The following NKAIN2 variants were observed in gnomAD, a reference collection of about 807,000 sequenced individuals.
The protein encoded by NKAIN2 is sodium/potassium transporting ATPase interacting 2, also known as sodium/potassium-transporting ATPase subunit beta-1-interacting protein 2.
NKAIN2 carries 14 observed loss-of-function variants against 32.6 expected under a neutral mutation model. The observed-to-expected ratio is 0.43, with a 90% confidence interval of 0.28 to 0.67. The LOEUF is 0.67. NKAIN2 is among the 30% of genes least tolerant of loss of function. The probability of loss-of-function intolerance (pLI) is 0.17; values close to 1 mark genes in which losing one functional copy is unlikely to be tolerated. For synonymous variants in NKAIN2, 80 were observed against 87.2 expected, an observed-to-expected ratio of 0.92 and a Z score of 0.46; for missense variants, 198 against 258.3, an observed-to-expected ratio of 0.77 and a Z score of 1.60.
Position 124,360,317 on chromosome 6 carries a change from C to T in NKAIN2, c.273+4970C>T, listed in dbSNP as rs575946578. 1.7e-4 allele frequency among the ~76,000 whole-genome samples: 26 copies of T among 152,194 alleles called. No individual in the cohort carries two copies. In the South Asian group the frequency reaches 5.0e-3, roughly 29 times the overall value. On this transcript the variant is annotated intron_variant, in intron 3 of 6. Transcript: ENST00000368417. The stretch of plus-strand genomic sequence containing the variant: ...GAGTTCTGGAGGATTCCCTCTTTTT[C>T]TATTGATTAGGCTGTCTTTTCTGCT...
At chr6:124,385,226 C>G (rs1772842817) in intron 3 of NKAIN2, among the ~76,000 whole-genome samples, 1 of 152,036 alleles carries the variant, frequency 6.6e-6, no homozygotes, top group African/African-American at 2.4e-5. Flanking sequence ...CATTTAAAGG[C>G]CAATTGGAGG....
Position 124,751,944 on chromosome 6 carries a change from T to C in NKAIN2, c.475-39395T>C, listed in dbSNP as rs367912403. On this transcript the variant is annotated intron_variant, in intron 4 of 6. Coordinates refer to ENST00000368417, the MANE Select transcript of NKAIN2 (RefSeq NM_001040214.3). ...CTGCAGTGAGCTGTGGTTGCACTGC[T>C]GCACTCTAGCCTGGGTGACAGAGCA... Among the ~76,000 whole-genome samples, 13 of 152,170 alleles carry C rather than the reference T, an allele frequency of 8.5e-5. No individual in the cohort carries two copies. In the East Asian group the frequency reaches 2.5e-3, roughly 30 times the overall value.
chr6:124,143,969 TAC>T (rs892543792), intron 1 of NKAIN2, among the ~76,000 whole-genome samples: 4 of 152,194 alleles, frequency 2.6e-5, no homozygotes, highest in Admixed American at 2.6e-4. Flanking sequence ...TCACAAAGCG[TAC>T]AGTGTCTAGC....
intron 4 of NKAIN2, among the ~76,000 whole-genome samples, chr6:124,737,630 G>A (rs1484253998): frequency 6.6e-6 from 1 of 151,888 alleles, no homozygotes; most frequent in Non-Finnish European, 1.5e-5. Flanking sequence ...ATGTAAGAAA[G>A]TTTGGAACTT....
intron 1 of NKAIN2, among the ~76,000 whole-genome samples, chr6:123,848,815 A>T (rs942023336): frequency 2.0e-5 from 3 of 152,200 alleles, no homozygotes; most frequent in African/African-American, 7.2e-5. Context: ...AATATATTTC[A>T]TACCAGCATT....
intron 4 of NKAIN2, among the ~76,000 whole-genome samples, chr6:124,713,283 A>C (rs776809302): frequency 1.2e-4 from 18 of 152,174 alleles, no homozygotes; most frequent in Non-Finnish European, 2.1e-4. Flanking sequence ...CGAATCCATA[A>C]AATATTTTTC....
chr6:124,111,633 T>C (rs1273827992), intron 1 of NKAIN2, among the ~76,000 whole-genome samples: 2 of 152,064 alleles, frequency 1.3e-5, no homozygotes, highest in African/African-American at 4.8e-5. Flanking sequence ...AGTCACTCTA[T>C]GTCTTTTGAT....
At chr6:123,914,345 C>T (rs1411935694) in intron 1 of NKAIN2, among the ~76,000 whole-genome samples, 2 of 151,438 alleles carry the variant, frequency 1.3e-5, no homozygotes, top group African/African-American at 4.9e-5. Context: ...GGGAAAAAGA[C>T]ATGTCGGGAG....
intron 1 of NKAIN2, among the ~76,000 whole-genome samples, chr6:124,090,851 T>A (rs111319814): frequency 0.012 from 1,820 of 152,080 alleles, 19 homozygotes; most frequent in Non-Finnish European, 0.017. Flanking sequence ...AAATACAATA[T>A]CAATCCCATG....
chr6:124,232,320 A>G (rs970673153), intron 1 of NKAIN2, among the ~76,000 whole-genome samples: 5 of 152,190 alleles, frequency 3.3e-5, no homozygotes, highest in African/African-American at 1.2e-4. Context: ...TAGATGAACT[A>G]GAAAAGGCCA....
chr6:124,697,432 TC>T (rs1258137265), intron 4 of NKAIN2, among the ~76,000 whole-genome samples: 3 of 152,208 alleles, frequency 2.0e-5, no homozygotes, highest in African/African-American at 7.2e-5. Context: ...AAGATTTTCA[TC>T]ACAATTTGTT....
intron 3 of NKAIN2, among the ~76,000 whole-genome samples, chr6:124,488,440 C>T (rs1467677452): frequency 6.6e-6 from 1 of 151,962 alleles, no homozygotes; most frequent in East Asian, 1.9e-4. Context: ...CAAACATTAT[C>T]ATCCATGTCA....
chr6:124,528,550 A>G (rs779229986), intron 3 of NKAIN2, among the ~76,000 whole-genome samples: 9 of 152,204 alleles, frequency 5.9e-5, no homozygotes, highest in Non-Finnish European at 1.5e-5. Context: ...AATAGTTTCA[A>G]AAACTGAGAT....
intron 1 of NKAIN2, among the ~76,000 whole-genome samples, chr6:123,819,769 A>T (rs1773848712): frequency 6.6e-6 from 1 of 152,146 alleles, no homozygotes; most frequent in South Asian, 2.1e-4. Flanking sequence ...TAAAAGTAGA[A>T]ATCTGTGCCA....
intron 1 of NKAIN2, among the ~76,000 whole-genome samples, chr6:124,027,912 G>A (rs951264819): frequency 3.3e-5 from 5 of 152,168 alleles, no homozygotes; most frequent in East Asian, 1.9e-4. Context: ...TAATCAAAAT[G>A]TGTGGAGGCC....
intron 1 of NKAIN2, among the ~76,000 whole-genome samples, chr6:124,215,546 T>C (rs2114675145): frequency 6.6e-6 from 1 of 152,222 alleles, no homozygotes; most frequent in Middle Eastern, 3.4e-3. Context: ...AAAACAAAAC[T>C]AAATGTGACT....
At chr6:123,898,133 G>C (rs548641002) in intron 1 of NKAIN2, among the ~76,000 whole-genome samples, 57 of 152,182 alleles carry the variant, frequency 3.7e-4, no homozygotes, top group African/African-American at 1.2e-3. Context: ...ATGATGATTG[G>C]ATCCTGTGAG....
At chr6:124,568,489 G>GA (rs995685444) in intron 3 of NKAIN2, among the ~76,000 whole-genome samples, 56 of 152,140 alleles carry the variant, frequency 3.7e-4, no homozygotes, top group African/African-American at 1.3e-3. Flanking sequence ...ATTTATAGAT[G>GA]AAAAAACTGA....
chr6:124,356,220 A>C (rs1798966256), intron 3 of NKAIN2, among the ~76,000 whole-genome samples: 1 of 152,294 alleles, frequency 6.6e-6, no homozygotes, highest in South Asian at 2.1e-4. Context: ...AGCTAAAAAA[A>C]ATTTTTTTTA....
Sources: allele counts gnomAD v4.1 joint callset (sites outside exome capture counted in the v4.1 genomes callset), GRCh38; gene constraint gnomAD v4.1.1; transcripts MANE v1.5; gene names NCBI Gene and HGNC (gene_info 2026-07-23, HGNC 2026-07-21).